The following NRXN3 variants were observed in gnomAD, a reference collection of about 807,000 sequenced individuals.
The protein encoded by NRXN3 is neurexin III.
NRXN3 carries 32 observed loss-of-function variants against 137.6 expected under a neutral mutation model. That is an observed-to-expected ratio of 0.23 (90% CI 0.18 to 0.31). The LOEUF is 0.31. NRXN3 is among the 10% of genes least tolerant of loss of function. NRXN3 has a pLI of 1.00. For synonymous variants in NRXN3, 798 were observed against 784.5 expected, an observed-to-expected ratio of 1.02 and a Z score of -0.29; for missense variants, 1,574 against 2,062.5, an observed-to-expected ratio of 0.76 and a Z score of 4.59.
At chr14:79,286,374 A>G (rs1455655883) in intron 15 of NRXN3, among the ~76,000 whole-genome samples, 2 of 152,044 alleles carry the variant, frequency 1.3e-5, no homozygotes, top group Non-Finnish European at 2.9e-5. Context: ...TCGTTTTTCA[A>G]TTTTCATATT....
At chr14:79,502,828 T>G (rs2153675835) in intron 16 of NRXN3, among the ~76,000 whole-genome samples, 1 of 152,148 alleles carries the variant, frequency 6.6e-6, no homozygotes, top group South Asian at 2.1e-4. Context: ...TTGGCTTTTT[T>G]TTTCACTGCA....
At chr14:79,519,223 G>T (rs2097031314) in intron 16 of NRXN3, among the ~76,000 whole-genome samples, 1 of 151,922 alleles carries the variant, frequency 6.6e-6, no homozygotes, top group Admixed American at 6.6e-5. Flanking sequence ...CACAGAGTTA[G>T]CCAAGACTAT....
chr14:79,603,947 G>A (rs1308003734), intron 16 of NRXN3, among the ~76,000 whole-genome samples: 1 of 152,094 alleles, frequency 6.6e-6, no homozygotes, highest in Non-Finnish European at 1.5e-5. Context: ...GAATGCAGTG[G>A]CATGCTGTTG....
chr14:78,841,827 G>A (rs2099013337), intron 10 of NRXN3, among the ~76,000 whole-genome samples: 1 of 152,024 alleles, frequency 6.6e-6, no homozygotes, highest in South Asian at 2.1e-4. Context: ...TTAACGAAGA[G>A]TGCTATGTTA....
intron 10 of NRXN3, among the ~76,000 whole-genome samples, chr14:78,858,999 TG>T (rs1370619249): frequency 1.3e-5 from 2 of 152,176 alleles, no homozygotes; most frequent in African/African-American, 2.4e-5. Flanking sequence ...CACCTCAAAT[TG>T]TAATCCCTGT....
chr14:78,302,862 C>G (rs2077007261), intron 4 of NRXN3, among the ~76,000 whole-genome samples: 1 of 152,218 alleles, frequency 6.6e-6, no homozygotes, highest in Non-Finnish European at 1.5e-5. Context: ...TCCAGAATGT[C>G]TCTTGCATCT....
chr14:78,841,931 C>T (rs1324411503), intron 10 of NRXN3, among the ~76,000 whole-genome samples: 1 of 152,000 alleles, frequency 6.6e-6, no homozygotes, highest in African/African-American at 2.4e-5. Context: ...ATGATAGCAC[C>T]CATCTTTCAG....
At chr14:79,046,619 A>G (rs1595345953) in intron 15 of NRXN3, among the ~76,000 whole-genome samples, 1 of 152,180 alleles carries the variant, frequency 6.6e-6, no homozygotes. Context: ...AAAACATGAG[A>G]CTTTCATCAG....
chr14:79,622,631 C>CT (rs2098236769), intron 16 of NRXN3, among the ~76,000 whole-genome samples: 1 of 152,150 alleles, frequency 6.6e-6, no homozygotes, highest in Admixed American at 6.5e-5. Flanking sequence ...GAGTCTCACT[C>CT]TGTCACCCAG....
intron 4 of NRXN3, among the ~76,000 whole-genome samples, chr14:78,400,522 C>A (rs374194855): frequency 3.3e-5 from 5 of 152,246 alleles, no homozygotes; most frequent in Admixed American, 2.0e-4. Flanking sequence ...CTAAAAGGTA[C>A]CGCAAAAATA....
chr14:79,701,118 T>C (rs2154031760), intron 19 of NRXN3, among the ~76,000 whole-genome samples: 1 of 152,112 alleles, frequency 6.6e-6, no homozygotes, highest in East Asian at 1.9e-4. Flanking sequence ...TCAGGGTGCT[T>C]TGGCCAAATT....
intron 15 of NRXN3, among the ~76,000 whole-genome samples, chr14:79,137,136 C>T (rs530864598): frequency 4.6e-5 from 7 of 152,174 alleles, no homozygotes; most frequent in African/African-American, 7.2e-5. Context: ...GCTGCCTGCT[C>T]GGAGAGGAGA....
At position 79,417,703 on chromosome 14, in the gene NRXN3, TG is replaced by T. The variant is rs2095516808; in HGVS notation, c.3263-49517del. Among the ~76,000 whole-genome samples the T allele has an allele frequency of 3.9e-5, 6 of 152,164 alleles. No individual in the cohort carries two copies. In the South Asian group the frequency reaches 1.2e-3, roughly 31 times the overall value. The stretch of plus-strand genomic sequence containing the variant: ...AATACTACAATAAATCGATTGAAAC[TG>T]ATGAAAATAGCTCAAAATTTAGAGA... On this transcript the variant is annotated intron_variant, in intron 15 of 20. Coordinates refer to ENST00000335750, the MANE Select transcript of NRXN3 (RefSeq NM_001330195.2).
intron 15 of NRXN3, among the ~76,000 whole-genome samples, chr14:79,078,895 A>C (rs1452482484): frequency 2.0e-5 from 3 of 152,132 alleles, no homozygotes; most frequent in Non-Finnish European, 4.4e-5. Context: ...CAGCCCTAAC[A>C]TGCTATTAGC....
intron 1 of NRXN3, among the ~76,000 whole-genome samples, chr14:78,233,423 C>T (rs1319070583): frequency 2.0e-5 from 3 of 152,100 alleles, no homozygotes; most frequent in African/African-American, 4.8e-5. Context: ...AACCTCTGAC[C>T]GCACCAGCCC....
rs541540634 is a variant in NRXN3 at position 79,116,121 on chromosome 14, G to C, written c.3262+127980G>C. 5.3e-5 allele frequency among the ~76,000 whole-genome samples: 8 copies of C among 152,258 alleles called. No homozygotes were observed. The South Asian group carries it at 1.2e-3, about 24-fold the overall frequency. ...AATAGCACAAAATTCAATTGCTGTG[G>C]GGACATGGTTCTCAGAACCTGGTCT... On this transcript the variant is annotated intron_variant, in intron 15 of 20. Transcript: ENST00000335750.
At chr14:79,188,942 C>T (rs2063876908) in intron 15 of NRXN3, among the ~76,000 whole-genome samples, 1 of 152,106 alleles carries the variant, frequency 6.6e-6, no homozygotes, top group Admixed American at 6.6e-5. Context: ...GTCGGTGGGA[C>T]TGTAAACTAG....
chr14:79,314,000 A>C (rs1461579353), intron 15 of NRXN3: 4 of 150,562 alleles, frequency 2.7e-5, no homozygotes, highest in East Asian at 2.0e-4. Context: ...CCTTTGGAGG[A>C]GGAGAGGCGC....
At chr14:78,684,009 A>G (rs1046091277) in intron 6 of NRXN3, among the ~76,000 whole-genome samples, 1 of 152,188 alleles carries the variant, frequency 6.6e-6, no homozygotes, top group African/African-American at 2.4e-5. Flanking sequence ...AGGAAGGATA[A>G]TGTCATCTAT....
Sources: allele counts gnomAD v4.1 joint callset (sites outside exome capture counted in the v4.1 genomes callset), GRCh38; gene constraint gnomAD v4.1.1; transcripts MANE v1.5; gene names NCBI Gene and HGNC (gene_info 2026-07-23, HGNC 2026-07-21).